Variants in TRPC4 observed in about 807,000 individuals in gnomAD.
TRPC4 encodes short transient receptor potential channel 4.
Under a neutral mutation model 99.4 loss-of-function variants are expected in TRPC4, and 49 were observed. The observed-to-expected ratio is 0.49, with a 90% CI of 0.39 to 0.63. TRPC4 has a LOEUF of 0.63. Ranked by LOEUF, TRPC4 falls within the 20% of genes least tolerant of loss-of-function variation. The pLI, the probability that TRPC4 is intolerant of heterozygous loss-of-function variation, is 0.00. For synonymous variants in TRPC4, 454 were observed against 425.9 expected (o/e 1.07, Z -0.81); for missense variants, 898 against 1,152.9 (o/e 0.78, Z 3.20).
chr13:37,746,034 A>G lies in TRPC4; in HGVS notation c.800T>C (p.Ile267Thr). 1.2e-6 allele frequency: 2 copies of G among 1,613,826 alleles called. No homozygotes were observed. Among genetic ancestry groups the G allele is most frequent in the South Asian group, 2.2e-5 (2 of 91,074 alleles). ...ATTGTCATCTCGGTAATTAAGAATGATTTCCAGTTCTCTGGAACTTCTCGT... is the reference window on the plus strand; with the variant it reads ...ATTGTCATCTCGGTAATTAAGAATGGTTTCCAGTTCTCTGGAACTTCTCGT... ...DQTRSSRELEIILNYRDDNSL... is the reference protein window; with the variant it reads ...DQTRSSRELETILNYRDDNSL... The change falls in exon 3 of 11, where the codon ATC (isoleucine) becomes ACC (threonine). Residue 267 changes from isoleucine to threonine, a missense_variant. Physicochemically the swap from Ile to Thr is moderately conservative, Grantham distance 89. Transcript: ENST00000379705.
chr13:37,745,582 A>T (rs1261190186), intron 3 of TRPC4, among the ~76,000 whole-genome samples: 1 of 148,946 alleles, frequency 6.7e-6, no homozygotes, highest in Non-Finnish European at 1.5e-5. Context: ...TCCATTCAGC[A>T]GGTGAGAATA....
chr13:37,761,446 G>A (rs1413066244), intron 2 of TRPC4, among the ~76,000 whole-genome samples: 3 of 151,816 alleles, frequency 2.0e-5, no homozygotes, highest in Non-Finnish European at 4.4e-5. Context: ...CTCAGGTAGC[G>A]AGAGTAGGAA....
chr13:37,758,552 A>C (rs76267737), intron 2 of TRPC4, among the ~76,000 whole-genome samples: 14,843 of 151,728 alleles, frequency 0.098, 828 homozygotes, highest in Admixed American at 0.17. Context: ...TATATAATGC[A>C]ATAAGATTAG....
At chr13:37,843,681 G>C (rs200429564) in intron 1 of TRPC4, among the ~76,000 whole-genome samples, 2 of 134,046 alleles carry the variant, frequency 1.5e-5, no homozygotes, top group African/African-American at 5.8e-5. Flanking sequence ...GATGTTTGGT[G>C]ACACACACAC....
chr13:37,781,741 GTTTTA>G (rs1956847871), intron 2 of TRPC4, among the ~76,000 whole-genome samples: 1 of 152,066 alleles, frequency 6.6e-6, no homozygotes, highest in Admixed American at 6.6e-5. Context: ...GTGGAGTGCT[GTTTTA>G]TCAAAGTCTT....
intron 8 of TRPC4, among the ~76,000 whole-genome samples, chr13:37,645,178 C>A (rs549837648): frequency 6.6e-6 from 1 of 152,140 alleles, no homozygotes; most frequent in Admixed American, 6.5e-5. Context: ...GCATAATTCA[C>A]AGTTTGCAGG....
intron 2 of TRPC4, among the ~76,000 whole-genome samples, chr13:37,753,004 A>G (rs1955978682): frequency 6.6e-6 from 1 of 152,044 alleles, no homozygotes; most frequent in Non-Finnish European, 1.5e-5. Flanking sequence ...ACACACACAC[A>G]CACACAGTAT....
At chr13:37,855,337 G>GATATATATATAT (rs59525799) in intron 1 of TRPC4, among the ~76,000 whole-genome samples, 393 of 136,576 alleles carry the variant, frequency 2.9e-3, no homozygotes, top group Admixed American at 4.2e-3. Context: ...ATACAATGTA[G>GATATATATATAT]ATATATATAT....
intron 1 of TRPC4, among the ~76,000 whole-genome samples, chr13:37,841,031 A>G (rs141355892): frequency 7.0e-4 from 107 of 152,216 alleles, no homozygotes; most frequent in African/African-American, 2.4e-3. Flanking sequence ...AAAATTTTAT[A>G]TTATTGGTTA....
At chr13:37,752,383 A>G (rs1955959436) in intron 2 of TRPC4, among the ~76,000 whole-genome samples, 1 of 151,816 alleles carries the variant, frequency 6.6e-6, no homozygotes, top group South Asian at 2.1e-4. Flanking sequence ...ACATCGATTT[A>G]TTCTGCACAC....
chr13:37,731,246 T>C (rs1204062407), intron 3 of TRPC4, among the ~76,000 whole-genome samples: 3 of 152,036 alleles, frequency 2.0e-5, no homozygotes, highest in African/African-American at 7.2e-5. Flanking sequence ...ACAGACTTTC[T>C]TACATATTCA....
rs1486314023 is a variant in TRPC4 at position 37,636,558 on chromosome 13, T to C, written c.*345A>G. On this transcript the variant is annotated 3_prime_UTR_variant, in exon 11 of 11. Coordinates refer to ENST00000379705, the MANE Select transcript of TRPC4 (RefSeq NM_016179.4). ...ATTGGTTTTTGAATATAAAAATATCTATTTTAGGAGTCAACTACCACATGA... is the reference window on the plus strand; with the variant it reads ...ATTGGTTTTTGAATATAAAAATATCCATTTTAGGAGTCAACTACCACATGA... 3.6e-5 allele frequency: 6 copies of C among 167,990 alleles called. No homozygotes were observed. The highest frequency in any genetic ancestry group is 1.4e-4 in the African/African-American group (6 of 42,012). 10.4% of individuals were successfully genotyped at this position (167,990 alleles called of 1,614,324 possible).
At chr13:37,649,610 T>C (rs951881837) in intron 8 of TRPC4, among the ~76,000 whole-genome samples, 17 of 151,646 alleles carry the variant, frequency 1.1e-4, no homozygotes, top group Non-Finnish European at 1.5e-5. Context: ...GGCAGGCGCC[T>C]GTAGTCCCAG....
chr13:37,853,183 C>CCT (rs1217195570), intron 1 of TRPC4, among the ~76,000 whole-genome samples: 1 of 152,196 alleles, frequency 6.6e-6, no homozygotes, highest in African/African-American at 2.4e-5. Flanking sequence ...TCAGTCCCAA[C>CCT]AAAGTCTAGT....
intron 4 of TRPC4, among the ~76,000 whole-genome samples, chr13:37,677,116 C>A (rs1396118424): frequency 1.3e-5 from 2 of 151,900 alleles, no homozygotes; most frequent in African/African-American, 4.8e-5. Context: ...GGTTCTTATA[C>A]TACACATAAA....
chr13:37,736,539 A>C (rs1955399082), intron 3 of TRPC4, among the ~76,000 whole-genome samples: 1 of 152,122 alleles, frequency 6.6e-6, no homozygotes, highest in South Asian at 2.1e-4. Flanking sequence ...ATATTTTAAA[A>C]TGCAATTCAG....
At chr13:37,821,203 C>CACACACACAA (rs1415019742) in intron 1 of TRPC4, among the ~76,000 whole-genome samples, 10 of 149,432 alleles carry the variant, frequency 6.7e-5, no homozygotes, top group African/African-American at 2.5e-4. Flanking sequence ...CACACACACA[C>CACACACACAA]ACACACACAC....
At chr13:37,770,830 A>G (rs1462098376) in intron 2 of TRPC4, among the ~76,000 whole-genome samples, 4 of 151,762 alleles carry the variant, frequency 2.6e-5, no homozygotes, top group African/African-American at 9.6e-5. Context: ...CGTGTATCGT[A>G]TTCTGCAATG....
chr13:37,844,778 C>T (rs907086835), intron 1 of TRPC4, among the ~76,000 whole-genome samples: 3 of 152,164 alleles, frequency 2.0e-5, no homozygotes, highest in African/African-American at 7.2e-5. Context: ...CCGTGATACT[C>T]TTCTTCAGCT....
Sources: allele counts gnomAD v4.1 joint callset (sites outside exome capture counted in the v4.1 genomes callset), GRCh38; gene constraint gnomAD v4.1.1; transcripts MANE v1.5; gene names NCBI Gene and HGNC (gene_info 2026-07-23, HGNC 2026-07-21).